Variants in PHACTR3 observed in about 807,000 individuals in gnomAD.
The protein encoded by PHACTR3 is phosphatase and actin regulator 3.
A neutral mutation model predicts 66.8 loss-of-function variants in PHACTR3; 16 were observed. The observed-to-expected ratio is 0.24, with a 90% CI of 0.16 to 0.36. PHACTR3 has a LOEUF of 0.36. Ranked by LOEUF, PHACTR3 falls within the 10% of genes least tolerant of loss-of-function variation. The probability of loss-of-function intolerance (pLI) is 1.00; values close to 1 mark genes in which losing one functional copy is unlikely to be tolerated. For missense variants in PHACTR3, 647 were observed against 719.9 expected, an observed-to-expected ratio of 0.90 and a Z score of 1.16; for synonymous variants, 323 against 292.1, an observed-to-expected ratio of 1.11 and a Z score of -1.08.
At chr20:59,727,411 A>T (rs940254533) in intron 1 of PHACTR3, among the ~76,000 whole-genome samples, 7 of 152,122 alleles carry the variant, frequency 4.6e-5, no homozygotes, top group African/African-American at 1.7e-4. Flanking sequence ...CCAGTCGTGT[A>T]TAAGGACTGT....
intron 5 of PHACTR3, among the ~76,000 whole-genome samples, chr20:59,768,259 A>G: frequency 6.6e-6 from 1 of 152,244 alleles, no homozygotes; most frequent in East Asian, 1.9e-4. Context: ...GTTGATCAAG[A>G]GATAATGACT....
chr20:59,664,610 G>A (rs1359669756), intron 1 of PHACTR3, among the ~76,000 whole-genome samples: 2 of 152,266 alleles, frequency 1.3e-5, no homozygotes, highest in South Asian at 2.1e-4. Flanking sequence ...TCCTGATCCC[G>A]GGAGCCAGTG....
chr20:59,699,999 T>C (rs565092820), intron 1 of PHACTR3, among the ~76,000 whole-genome samples: 1 of 152,180 alleles, frequency 6.6e-6, no homozygotes, highest in Non-Finnish European at 1.5e-5. Flanking sequence ...AAAGTTAAGT[T>C]TGCATACTAA....
chr20:59,745,723 G>C (rs1367596715), intron 2 of PHACTR3, among the ~76,000 whole-genome samples: 1 of 152,236 alleles, frequency 6.6e-6, no homozygotes, highest in Non-Finnish European at 1.5e-5. Flanking sequence ...GCTCTCAGGG[G>C]CTGCAGGGTG....
intron 7 of PHACTR3, among the ~76,000 whole-genome samples, chr20:59,775,860 C>G (rs550365702): frequency 6.6e-6 from 1 of 152,204 alleles, no homozygotes; most frequent in African/African-American, 2.4e-5. Flanking sequence ...TCAGCCTCAG[C>G]GCTGGTGGCA....
At chr20:59,772,247 AG>A (rs1300286047) in intron 5 of PHACTR3, among the ~76,000 whole-genome samples, 23 of 152,296 alleles carry the variant, frequency 1.5e-4, no homozygotes, top group Admixed American at 1.3e-3. Flanking sequence ...TGATGGAAGG[AG>A]GGGGTGTCCC....
chr20:59,619,154 G>A lies in PHACTR3; in HGVS notation c.118+14022G>A, dbSNP rs906094906. Among the ~76,000 whole-genome samples, 7 of 152,176 alleles carry A rather than the reference G, an allele frequency of 4.6e-5. 1 individual carries two copies. Among genetic ancestry groups the A allele is most frequent in the Admixed American group, 2.6e-4 (4 of 15,282 alleles). ...TATCCTGTATAGCCCCCTCCCCTGA[G>A]TGTGGCAGGAACCAGTGACTGTGAC... On this transcript the variant is annotated intron_variant, in intron 1 of 12. Transcript: ENST00000371015.
intron 1 of PHACTR3, among the ~76,000 whole-genome samples, chr20:59,727,423 G>T (rs533224091): frequency 6.6e-6 from 1 of 152,222 alleles, no homozygotes; most frequent in Non-Finnish European, 1.5e-5. Flanking sequence ...AAGGACTGTA[G>T]TCAGCGCCAC....
At chr20:59,609,085 G>A (rs1263596570) in intron 1 of PHACTR3, among the ~76,000 whole-genome samples, 1 of 152,254 alleles carries the variant, frequency 6.6e-6, no homozygotes, top group African/African-American at 2.4e-5. Flanking sequence ...CTGCCAGCTG[G>A]ATGGGGCCAG....
chr20:59,779,333 C>G (rs6070941), intron 7 of PHACTR3, among the ~76,000 whole-genome samples: 36,865 of 152,106 alleles, frequency 0.24, 5,339 homozygotes, highest in African/African-American at 0.41. Flanking sequence ...ATTGGTCATA[C>G]AGAAAGTATA....
intron 1 of PHACTR3, among the ~76,000 whole-genome samples, chr20:59,737,360 G>C (rs1337393007): frequency 6.6e-6 from 1 of 152,174 alleles, no homozygotes; most frequent in East Asian, 1.9e-4. Flanking sequence ...CTGAGCTGTT[G>C]CTGGCACTGG....
intron 1 of PHACTR3, among the ~76,000 whole-genome samples, chr20:59,635,149 TTTTCTTTC>T (rs372955142): frequency 2.3e-4 from 14 of 60,372 alleles, no homozygotes; most frequent in African/African-American, 5.9e-4. Flanking sequence ...CTTTCTTTCT[TTTTCTTTC>T]TTTCTTTCTT....
At chr20:59,631,502 TG>T (rs536585348) in intron 1 of PHACTR3, among the ~76,000 whole-genome samples, 65 of 152,188 alleles carry the variant, frequency 4.3e-4, no homozygotes, top group Non-Finnish European at 7.9e-4. Context: ...GACTTTGTCT[TG>T]GTCCAGTTTA....
chr20:59,662,507 G>T (rs1221441554), intron 1 of PHACTR3, among the ~76,000 whole-genome samples: 1 of 152,188 alleles, frequency 6.6e-6, no homozygotes, highest in Non-Finnish European at 1.5e-5. Context: ...GGAAGGTGGG[G>T]AAGGGGGAAG....
intron 1 of PHACTR3, among the ~76,000 whole-genome samples, chr20:59,689,850 A>G (rs989447014): frequency 6.6e-6 from 1 of 151,866 alleles, no homozygotes; most frequent in Admixed American, 6.6e-5. Context: ...CACCTCTCCA[A>G]TTCATCTGCT....
chr20:59,734,852 C>G (rs529151246), intron 1 of PHACTR3, among the ~76,000 whole-genome samples: 2 of 152,250 alleles, frequency 1.3e-5, no homozygotes, highest in Non-Finnish European at 2.9e-5. Flanking sequence ...ATACCCAACT[C>G]AATTATCACT....
At chr20:59,819,773 C>T (rs756915814) in intron 8 of PHACTR3, among the ~76,000 whole-genome samples, 3 of 151,920 alleles carry the variant, frequency 2.0e-5, no homozygotes, top group Non-Finnish European at 2.9e-5. Context: ...GTACTGGCCA[C>T]CCGTCAGCTG....
In PHACTR3 at chr20:59,738,901, C is replaced by T. The variant is rs1170100876; in HGVS notation, c.119-4206C>T. On this transcript the variant is annotated intron_variant, in intron 1 of 12. Coordinates refer to ENST00000371015, the MANE Select transcript of PHACTR3 (RefSeq NM_080672.5). The surrounding 1 kb of genome is among the most constrained non-coding windows in gnomAD (Gnocchi z 4.4). ...GCTTGGGGAGACCTAGCCCATCCTTCCCCTCGTGCAAAGCATGCTCAGGAC... is the reference window on the plus strand; with the variant it reads ...GCTTGGGGAGACCTAGCCCATCCTTTCCCTCGTGCAAAGCATGCTCAGGAC... Among the ~76,000 whole-genome samples the T allele has an allele frequency of 1.3e-5, 2 of 152,166 alleles. No homozygotes were observed. Among genetic ancestry groups the T allele is most frequent in the African/African-American group, 4.8e-5 (2 of 41,452 alleles).
chr20:59,747,651 C>A, intron 2 of PHACTR3, 107 bp from the exon 3 acceptor site: 2 of 1,311,784 alleles, frequency 1.5e-6, no homozygotes, highest in East Asian at 2.3e-5. Context: ...CGCCTGCTAG[C>A]TCAGTGTTTT....
Sources: gnomAD v4.1 joint callset for allele counts (sites outside exome capture counted in the v4.1 genomes callset) on GRCh38, gnomAD v4.1.1 for gene constraint, Gnocchi (gnomAD v3.1) non-coding constraint, MANE v1.5 for transcripts, NCBI Gene and HGNC (gene_info 2026-07-23, HGNC 2026-07-21) for gene names.